Variants in ADGRE1 observed in about 807,000 individuals in gnomAD.
ADGRE1 encodes EGF-like module receptor 1.
A neutral mutation model predicts 102.7 loss-of-function variants in ADGRE1; 82 were observed. That is an observed-to-expected ratio of 0.80 (90% CI 0.67 to 0.96). The LOEUF (loss-of-function observed/expected upper bound fraction) is 0.96, where lower values mean the gene tolerates loss of function less well. ADGRE1 is among the 40% of genes least tolerant of loss of function. ADGRE1 has a pLI of 0.00. For synonymous variants in ADGRE1, 398 were observed against 399.6 expected, an observed-to-expected ratio of 1.00 and a Z score of 0.05; for missense variants, 1,032 against 1,085.3, an observed-to-expected ratio of 0.95 and a Z score of 0.69.
At chr19:6,939,417 T>G (rs1599780078) in intron 20 of ADGRE1, among the ~76,000 whole-genome samples, 1 of 152,174 alleles carries the variant, frequency 6.6e-6, no homozygotes, top group African/African-American at 2.4e-5. Flanking sequence ...AGGGAAATGA[T>G]TTTCCTTGCA....
chr19:6,926,346 C>A lies in ADGRE1; in HGVS notation c.1987-20C>A, dbSNP rs570918756. On this transcript the variant is annotated intron_variant, in intron 15 of 20. Coordinates refer to ENST00000312053, the MANE Select transcript of ADGRE1 (RefSeq NM_001974.5). ...CTCTCTGGGGTGGAGGATTCTGATG[C>A]GCATGCTTCTCCCCTCCAGATGGGC... 2 of 1,611,476 alleles carry A rather than the reference C, an allele frequency of 1.2e-6. No homozygotes were observed. Among genetic ancestry groups the A allele is most frequent in the South Asian group, 2.2e-5 (2 of 90,944 alleles).
chr19:6,926,140 C>T (rs535572679), intron 15 of ADGRE1, among the ~76,000 whole-genome samples: 5 of 152,272 alleles, frequency 3.3e-5, no homozygotes, highest in Non-Finnish European at 7.4e-5. Context: ...GAAAGTCATG[C>T]GTCTTGGGAA....
chr19:6,929,964 T>C (rs757779411), intron 17 of ADGRE1, among the ~76,000 whole-genome samples: 1 of 152,174 alleles, frequency 6.6e-6, no homozygotes, highest in African/African-American at 2.4e-5. Flanking sequence ...ATTTTGAACA[T>C]GCCTATTCCC....
Position 6,940,367 on chromosome 19 carries a change from C to T in ADGRE1, c.*338C>T, listed in dbSNP as rs920518397. On this transcript the variant is annotated 3_prime_UTR_variant, in exon 21 of 21. Coordinates refer to ENST00000312053, the MANE Select transcript of ADGRE1 (RefSeq NM_001974.5). ...GCCCTTGTTGGTGCATGGTTCTAAG[C>T]ATGCCCCTCCAGAGCCTATCATACG... The T allele has an allele frequency of 5.2e-5, 22 of 422,564 alleles. No individual in the cohort carries two copies. Among genetic ancestry groups the T allele is most frequent in the African/African-American group, 2.0e-5 (1 of 49,954 alleles). The allele number at this position is 422,564 out of a possible 1,614,324, so 26.2% of individuals were successfully genotyped here.
intron 2 of ADGRE1, 142 bp from the exon 3 acceptor site, chr19:6,896,256 A>G: frequency 1.4e-6 from 1 of 718,384 alleles, no homozygotes; most frequent in Non-Finnish European, 2.3e-6. Flanking sequence ...CACAGGTACC[A>G]GGGTTTAGGA....
chr19:6,888,676 G>C (rs1284171659), intron 1 of ADGRE1, among the ~76,000 whole-genome samples: 1 of 152,170 alleles, frequency 6.6e-6, no homozygotes, highest in African/African-American at 2.4e-5. Context: ...TTTGACTTCA[G>C]ACTTTGTATG....
At chr19:6,911,642 T>C (rs1050316260) in intron 10 of ADGRE1, among the ~76,000 whole-genome samples, 3 of 150,080 alleles carry the variant, frequency 2.0e-5, no homozygotes, top group African/African-American at 7.4e-5. Flanking sequence ...CACACACACA[T>C]ATACACACAT....
intron 11 of ADGRE1, among the ~76,000 whole-genome samples, chr19:6,915,811 CT>C (rs1385284910): frequency 6.8e-6 from 1 of 146,684 alleles, no homozygotes; most frequent in Non-Finnish European, 1.5e-5. Context: ...ATCCCAGCTA[CT>C]TGGAAGGCTG....
chr19:6,901,170 A>G (rs894287083), intron 5 of ADGRE1, among the ~76,000 whole-genome samples: 3 of 152,204 alleles, frequency 2.0e-5, no homozygotes, highest in African/African-American at 7.2e-5. Context: ...TATTCTCCTT[A>G]GCCAGATTTT....
intron 6 of ADGRE1, 126 bp downstream of exon 6, chr19:6,902,147 C>T (rs1973786667): frequency 8.0e-7 from 1 of 1,248,416 alleles, no homozygotes; most frequent in Non-Finnish European, 1.1e-6. Flanking sequence ...AATAATCATT[C>T]ATTCACTCAT....
At chr19:6,916,221 C>T in intron 11 of ADGRE1, 28 bp from the exon 12 acceptor site, 1 of 1,604,036 alleles carries the variant, frequency 6.2e-7, no homozygotes. Context: ...TGGGTGACCT[C>T]ATACGAACTC....
rs140439534 is a variant in ADGRE1 at position 6,888,574 on chromosome 19, C to G, written c.31+935C>G. 2.4e-3 allele frequency among the ~76,000 whole-genome samples: 368 copies of G among 152,188 alleles called. 3 individuals carry two copies. The highest frequency in any genetic ancestry group is 8.6e-3 in the African/African-American group (357 of 41,506). Reference sequence around the variant, plus strand: ...AGTGGATCTGAATACCCTATTTTACCAAGGAGGAAACTGAGGCACAAAGAG... The same window carrying G: ...AGTGGATCTGAATACCCTATTTTACGAAGGAGGAAACTGAGGCACAAAGAG... On this transcript the variant is annotated intron_variant, in intron 1 of 20. Coordinates refer to ENST00000312053, the MANE Select transcript of ADGRE1 (RefSeq NM_001974.5).
intron 9 of ADGRE1, 24 bp from the exon 10 acceptor site, chr19:6,908,665 T>TC (rs1491004725): frequency 2.2e-6 from 2 of 927,016 alleles, no homozygotes; most frequent in Non-Finnish European, 2.8e-6. Context: ...ACAAATGCTC[T>TC]TTTTTTTTTT....
chr19:6,892,870 C>T (rs543989899), intron 2 of ADGRE1, among the ~76,000 whole-genome samples: 2 of 152,302 alleles, frequency 1.3e-5, no homozygotes, highest in South Asian at 4.1e-4. Context: ...AGACAAATGT[C>T]ACATGTCCTG....
intron 5 of ADGRE1, chr19:6,898,731 G>C (rs1973662347): frequency 1.4e-6 from 1 of 724,984 alleles, no homozygotes. Context: ...TTAATTAAGG[G>C]TCATCTCACT....
chr19:6,937,127 G>A (rs1975444679), intron 18 of ADGRE1, 116 bp from the exon 19 acceptor site: 5 of 1,174,356 alleles, frequency 4.3e-6, no homozygotes, highest in Non-Finnish European at 6.1e-6. Flanking sequence ...CCCTACATTT[G>A]TCCACACCTA....
intron 14 of ADGRE1, among the ~76,000 whole-genome samples, chr19:6,922,714 C>G (rs144159447): frequency 6.6e-6 from 1 of 151,032 alleles, no homozygotes; most frequent in African/African-American, 2.4e-5. Flanking sequence ...CATGAGGAAA[C>G]AATATGAAAT....
At chr19:6,939,406 T>C (rs1269771251) in intron 20 of ADGRE1, among the ~76,000 whole-genome samples, 1 of 152,168 alleles carries the variant, frequency 6.6e-6, no homozygotes, top group East Asian at 1.9e-4. Flanking sequence ...CTTAATTAAA[T>C]AGGGAAATGA....
intron 1 of ADGRE1, among the ~76,000 whole-genome samples, chr19:6,887,843 T>C (rs1379792558): frequency 2.0e-5 from 3 of 152,154 alleles, no homozygotes. Context: ...CTATAGTCAT[T>C]CATTTGACCT....
Sources: allele counts gnomAD v4.1 joint callset (sites outside exome capture counted in the v4.1 genomes callset), GRCh38; gene constraint gnomAD v4.1.1; transcripts MANE v1.5; gene names NCBI Gene and HGNC (gene_info 2026-07-23, HGNC 2026-07-21).